Variants in CCNF observed in about 807,000 individuals in gnomAD.
The protein encoded by CCNF is cyclin-F.
CCNF carries 30 observed loss-of-function variants against 85.4 expected under a neutral mutation model. The observed-to-expected ratio is 0.35, with a 90% CI of 0.26 to 0.48. CCNF has a LOEUF of 0.48. Among genes scored for constraint, CCNF ranks in the 20% least tolerant of loss-of-function variants. CCNF has a pLI of 0.99. For missense variants in CCNF, 919 were observed against 1,010.4 expected (o/e 0.91, Z 1.23); for synonymous variants, 439 against 425.1 (o/e 1.03, Z -0.40).
chr16:2,450,657 TGTTGTCAA>T (rs1208220222), intron 13 of CCNF, among the ~76,000 whole-genome samples: 1 of 152,150 alleles, frequency 6.6e-6, no homozygotes, highest in African/African-American at 2.4e-5. Flanking sequence ...AACTTGTGCG[TGTTGTCAA>T]GTTGTCATCT....
intron 12 of CCNF, 42 bp from the exon 13 acceptor site, chr16:2,449,786 T>TCCCCTCCAG: frequency 2.8e-6 from 2 of 720,654 alleles, no homozygotes; most frequent in Non-Finnish European, 2.2e-6. Flanking sequence ...ATCCCCTCCG[T>TCCCCTCCAG]CCCCTCCATC....
rs2065434453 is a variant in CCNF, at chr16:2,457,191, CAG to C, written c.*173_*174del. On this transcript the variant is annotated 3_prime_UTR_variant, in exon 17 of 17. Transcript: ENST00000397066. ...TCCGCGGGAGTCCCGTGCAAGCCAT[CAG>C]AATGTTGAAATGAGGGTGAAGAGCT... 3.5e-6 allele frequency: 2 copies of C among 569,918 alleles called. No individual in the cohort carries two copies. The highest frequency in any genetic ancestry group is 3.8e-5 in the African/African-American group (2 of 53,312). 35.3% of individuals were successfully genotyped at this position (569,918 alleles called of 1,614,324 possible). A position where few individuals can be genotyped will look rare whatever the true frequency, so the allele number is the denominator to read the frequency against.
rs1314261447 is a variant in CCNF at position 2,456,805 on chromosome 16, G to A, written c.2146G>A (p.Gly716Ser). Residue 716 changes from glycine (G) to serine (S), a missense_variant, in exon 17 of 17, where the codon GGT (glycine) becomes AGT (serine). Transcript: ENST00000397066. This position sits in a 1 kb window ranked among gnomAD's most constrained non-coding sequence, Gnocchi z 4.5. ...STASPTSSVD[G>S]GLGALPQPTS... ...CGCAAGTCCCACAAGCTCCGTGGAC[G>A]GTGGCTTGGGGGCCCTGCCCCAACC... The A allele has an allele frequency of 1.2e-5, 19 of 1,613,780 alleles. No homozygotes were observed. Among genetic ancestry groups the A allele is most frequent in the East Asian group, 8.9e-5 (4 of 44,900 alleles).
At chr16:2,450,356 A>AAAAAAAAAAAAAAAAAAAAG (rs2065387762) in intron 13 of CCNF, among the ~76,000 whole-genome samples, 1 of 147,434 alleles carries the variant, frequency 6.8e-6, no homozygotes, top group African/African-American at 2.5e-5. Flanking sequence ...AAAAAAAAAA[A>AAAAAAAAAAAAAAAAAAAAG]AAAAATTAGC....
rs772287531 is a variant in CCNF, at chr16:2,449,391, G to C, written c.1328G>C (p.Ser443Thr). Residue 443 changes from serine (S) to threonine (T), a missense_variant, in exon 12 of 17, where the codon AGC (serine) becomes ACC (threonine). This residue lies in a region of CCNF where 505 missense variants were observed against 514.8 expected (regional missense o/e 0.98). Coordinates refer to ENST00000397066, the MANE Select transcript of CCNF (RefSeq NM_001761.3). ...TGCGAGCTCTCCCTGCTGCACACCA[G>C]CCTGTCCGCCTACGCCCCAGCCCGC... ...FLCELSLLHTSLSAYAPARLA... is the reference protein window; with the variant it reads ...FLCELSLLHTTLSAYAPARLA... 6.2e-7 allele frequency: 1 copy of C among 1,612,588 alleles called. No homozygotes were observed.
intron 1 of CCNF, among the ~76,000 whole-genome samples, 158 bp downstream of exon 1, chr16:2,429,655 A>G (rs2065252788): frequency 6.6e-6 from 1 of 151,752 alleles, no homozygotes; most frequent in South Asian, 2.1e-4. Context: ...CCGCGCAGGG[A>G]GCCCCGGCGG....
chr16:2,453,524 C>T lies in CCNF; in HGVS notation c.1702C>T (p.Arg568Trp), dbSNP rs754920554. The change falls in exon 15 of 17, where the codon CGG becomes TGG. Residue 568 changes from arginine to tryptophan, a missense_variant. Physicochemically the swap from Arg to Trp is moderately radical, Grantham distance 101. Transcript: ENST00000397066. This position sits in a 1 kb window ranked among gnomAD's most constrained non-coding sequence, Gnocchi z 5.6. ...CGCCTTCCTCAGCTCTCCCTCGGGG[C>T]GGAGAACCAAACGGTTAGTTACCCT... ...IHAFLSSPSG[R>W]RTKRKRENSL... The T allele has an allele frequency of 1.1e-5, 18 of 1,614,024 alleles. No homozygotes were observed. The Middle Eastern group carries it at 4.9e-4, about 44-fold the overall frequency.
intron 9 of CCNF, among the ~76,000 whole-genome samples, chr16:2,444,256 G>A (rs911231124): frequency 2.7e-5 from 4 of 150,328 alleles, no homozygotes; most frequent in Non-Finnish European, 3.0e-5. Flanking sequence ...CAAAGTTATC[G>A]TGGACTTTTT....
rs185375254 is a variant in CCNF at position 2,451,606 on chromosome 16, A to G, written c.1488-1604A>G. Reference sequence around the variant, plus strand: ...GAGTTGGGGGCCCAGGCTGGAGTGCAGTGGCACCATCCTAGCTCACTGCAG... The same window carrying G: ...GAGTTGGGGGCCCAGGCTGGAGTGCGGTGGCACCATCCTAGCTCACTGCAG... On this transcript the variant is annotated intron_variant, in intron 13 of 16. Transcript: ENST00000397066. This position sits in a 1 kb window ranked among gnomAD's most constrained non-coding sequence, Gnocchi z 4.3. Among the ~76,000 whole-genome samples the G allele has an allele frequency of 1.1e-3, 166 of 152,038 alleles. No homozygotes were observed. Among genetic ancestry groups the G allele is most frequent in the African/African-American group, 3.9e-3 (160 of 41,446 alleles).
At position 2,456,830 on chromosome 16, in the gene CCNF, C is replaced by T. The variant is rs2065431286; in HGVS notation, c.2171C>T (p.Pro724Leu). ...VDGGLGALPQ[P>L]TSVLSLDSDS... The stretch of plus-strand genomic sequence containing the variant: ...GGTGGCTTGGGGGCCCTGCCCCAAC[C>T]TACCTCAGTGCTGTCCCTGGACAGT... The change falls in exon 17 of 17, where the codon CCT becomes CTT. Residue 724 changes from proline to leucine, a missense_variant. Around this residue, in one of 3 missense-constraint regions of CCNF, gnomAD observed 505 missense variants for 514.8 expected, o/e 0.98. Transcript: ENST00000397066. This position sits in a 1 kb window ranked among gnomAD's most constrained non-coding sequence, Gnocchi z 4.5. 1 of 1,613,866 alleles carries T rather than the reference C, an allele frequency of 6.2e-7. No homozygotes were observed. The highest frequency in any genetic ancestry group is 1.3e-5 in the African/African-American group (1 of 74,950).
intron 5 of CCNF, 101 bp downstream of exon 5, chr16:2,437,423 C>A: frequency 1.2e-6 from 1 of 814,068 alleles, no homozygotes; most frequent in South Asian, 2.1e-5. Context: ...AGTCAGGAGC[C>A]TAAGGGAAGT....
At chr16:2,429,579 AG>A in intron 1 of CCNF, 82 bp downstream of exon 1, 1 of 1,182,940 alleles carries the variant, frequency 8.5e-7, no homozygotes, top group Non-Finnish European at 1.1e-6. Context: ...GTCCCGCGGG[AG>A]GGGAGGCCCT....
intron 9 of CCNF, 181 bp from the exon 10 acceptor site, chr16:2,445,277 G>A: frequency 1.5e-6 from 1 of 651,186 alleles, no homozygotes. Context: ...TTTGGGGCTG[G>A]GACCCACGGA....
intron 4 of CCNF, chr16:2,436,619 A>T (rs2065292596): frequency 6.6e-6 from 1 of 152,206 alleles, no homozygotes; most frequent in Non-Finnish European, 1.5e-5. Flanking sequence ...TCCTACCCCT[A>T]CCCTCCCATC....
rs2065410045 is a variant in CCNF, at chr16:2,453,951, T to C, written c.1715+414T>C. Among the ~76,000 whole-genome samples the C allele has an allele frequency of 6.6e-6, 1 of 152,184 alleles. No individual in the cohort carries two copies. The highest frequency in any genetic ancestry group is 6.5e-5 in the Admixed American group (1 of 15,272). On this transcript the variant is annotated intron_variant, in intron 15 of 16. Transcript: ENST00000397066. This position sits in a 1 kb window ranked among gnomAD's most constrained non-coding sequence, Gnocchi z 5.6. ...ACTTCCCTCGCCACCCGTGTGGACC[T>C]GTTTACCCGCCTCTCCTATCTCAGC...
intron 5 of CCNF, 132 bp from the exon 6 acceptor site, chr16:2,437,938 G>A (rs533216370): frequency 3.0e-5 from 19 of 637,380 alleles, no homozygotes; most frequent in Non-Finnish European, 5.4e-5. Flanking sequence ...AAATCTGGGA[G>A]TGGCCCTCTG....
intron 8 of CCNF, among the ~76,000 whole-genome samples, chr16:2,442,987 TTA>T (rs1410536321): frequency 4.5e-5 from 5 of 110,444 alleles, no homozygotes; most frequent in Non-Finnish European, 8.4e-5. Context: ...TATATATTAT[TTA>T]TGTTAATTAT....
At chr16:2,438,477 TA>T (rs1293313477) in intron 6 of CCNF, among the ~76,000 whole-genome samples, 3 of 152,054 alleles carry the variant, frequency 2.0e-5, no homozygotes, top group Non-Finnish European at 4.4e-5. Flanking sequence ...ACGTCTTTAC[TA>T]AAAAACACAA....
intron 9 of CCNF, 30 bp from the exon 10 acceptor site, chr16:2,445,428 A>G: frequency 3.7e-6 from 6 of 1,612,756 alleles, no homozygotes; most frequent in Non-Finnish European, 5.1e-6. Context: ...GAACGCCCCC[A>G]CCAGTTCCCA....
Sources: allele counts gnomAD v4.1 joint callset (sites outside exome capture counted in the v4.1 genomes callset), GRCh38; gene constraint gnomAD v4.1.1; regional missense constraint gnomAD v4.1.1; non-coding constraint Gnocchi (gnomAD v3.1); transcripts MANE v1.5; gene names NCBI Gene and HGNC (gene_info 2026-07-23, HGNC 2026-07-21).